Variants in SORCS1 observed in about 807,000 individuals in gnomAD.
The protein encoded by SORCS1 is sortilin related VPS10 domain containing receptor 1.
SORCS1 carries 60 observed loss-of-function variants against 146.1 expected under a neutral mutation model. The ratio of observed to expected loss-of-function variants is 0.41; its 90% CI spans 0.33 to 0.51. The LOEUF is 0.51. Among genes scored for constraint, SORCS1 ranks in the 20% least tolerant of loss-of-function variants. SORCS1 has a pLI of 0.21. For missense variants in SORCS1, 1,352 were observed against 1,487.6 expected (o/e 0.91, Z 1.50); for synonymous variants, 637 against 584.0 (o/e 1.09, Z -1.31).
At chr10:106,967,841 G>GT (rs565345288) in intron 1 of SORCS1, among the ~76,000 whole-genome samples, 180 of 151,950 alleles carry the variant, frequency 1.2e-3, no homozygotes, top group Non-Finnish European at 2.3e-3. Flanking sequence ...AGAATTCTCA[G>GT]TTTAGAGCTG....
intron 2 of SORCS1, among the ~76,000 whole-genome samples, chr10:106,922,528 G>C (rs556758432): frequency 6.6e-6 from 1 of 152,152 alleles, no homozygotes; most frequent in African/African-American, 2.4e-5. Context: ...TTTTTATTAG[G>C]CTTCTTTTAA....
intron 3 of SORCS1, among the ~76,000 whole-genome samples, chr10:106,823,781 A>C (rs1328721178): frequency 6.6e-6 from 1 of 152,204 alleles, no homozygotes; most frequent in Non-Finnish European, 1.5e-5. Context: ...AAGAGGTGGC[A>C]TTTAAGGTTC....
chr10:107,172,151 T>A, the SORCS1 span, among the ~76,000 whole-genome samples: 1 of 152,232 alleles, frequency 6.6e-6, no homozygotes, highest in East Asian at 1.9e-4. Context: ...CAAAATCTTT[T>A]TCTCCATTTC....
chr10:107,023,388 G>T (rs1410130533), intron 1 of SORCS1, among the ~76,000 whole-genome samples: 1 of 151,992 alleles, frequency 6.6e-6, no homozygotes, highest in Admixed American at 6.6e-5. Flanking sequence ...ACTTCTCTGG[G>T]GATTTTAACT....
chr10:106,850,254 A>G (rs945923427), intron 2 of SORCS1, among the ~76,000 whole-genome samples: 12 of 150,142 alleles, frequency 8.0e-5, no homozygotes, highest in African/African-American at 3.0e-4. Flanking sequence ...TGGGTGGAGG[A>G]CCCTCCGAGC....
At chr10:107,125,002 G>T (rs1172342071) in intron 1 of SORCS1, among the ~76,000 whole-genome samples, 1 of 146,084 alleles carries the variant, frequency 6.8e-6, no homozygotes, top group Non-Finnish European at 1.5e-5. Flanking sequence ...TGCCAGGCTG[G>T]AGTGCAGTGG....
chr10:106,956,661 G>C, intron 1 of SORCS1, 81 bp from the exon 2 acceptor site: 1 of 1,169,732 alleles, frequency 8.5e-7, no homozygotes, highest in East Asian at 2.4e-5. Context: ...GGAGGGCTTA[G>C]GATTCCTTTA....
chr10:106,861,523 C>G (rs540630123), intron 2 of SORCS1, among the ~76,000 whole-genome samples: 8 of 152,086 alleles, frequency 5.3e-5, no homozygotes, highest in South Asian at 2.1e-4. Context: ...AAAATGTATT[C>G]TAGAAGGACA....
At chr10:107,028,382 C>T (rs1261574798) in intron 1 of SORCS1, among the ~76,000 whole-genome samples, 1 of 152,216 alleles carries the variant, frequency 6.6e-6, no homozygotes. Context: ...ATCTGCACCA[C>T]TTCCTATTTC....
intron 2 of SORCS1, among the ~76,000 whole-genome samples, chr10:106,923,169 G>A (rs1278009789): frequency 1.3e-5 from 2 of 152,322 alleles, no homozygotes; most frequent in East Asian, 3.9e-4. Flanking sequence ...GATTACAGGC[G>A]TGAGCCACCA....
At chr10:106,602,687 C>T (rs1432929674) in intron 23 of SORCS1, among the ~76,000 whole-genome samples, 1 of 152,134 alleles carries the variant, frequency 6.6e-6, no homozygotes, top group African/African-American at 2.4e-5. Flanking sequence ...TCTCTACCTC[C>T]TCCTGACACA....
intron 1 of SORCS1, among the ~76,000 whole-genome samples, chr10:107,082,597 T>C (rs1170331768): frequency 6.6e-6 from 1 of 152,064 alleles, no homozygotes; most frequent in Non-Finnish European, 1.5e-5. Flanking sequence ...CCTGCCTCAC[T>C]CAGCCTCCAA....
intron 13 of SORCS1, among the ~76,000 whole-genome samples, chr10:106,676,484 A>G (rs1401687658): frequency 2.6e-5 from 4 of 152,228 alleles, no homozygotes; most frequent in African/African-American, 4.8e-5. Flanking sequence ...CAAGAAGTCA[A>G]GCTATTCAGA....
Position 106,933,645 on chromosome 10 carries a change from CA to C in SORCS1, c.626+22867del, listed in dbSNP as rs1953534882. On this transcript the variant is annotated intron_variant, in intron 2 of 25. Coordinates refer to ENST00000263054, the MANE Select transcript of SORCS1 (RefSeq NM_052918.5). ...GACAGTTGTATCCAGGATGCCCCCC[CA>C]CCCCCAGCTATGGCAGAGGAAAGCA... 1.3e-5 allele frequency among the ~76,000 whole-genome samples: 2 copies of C among 152,048 alleles called. 1 individual carries two copies. The highest frequency in any genetic ancestry group is 2.9e-5 in the Non-Finnish European group (2 of 68,002).
At chr10:106,833,939 G>T (rs1469209737) in intron 2 of SORCS1, among the ~76,000 whole-genome samples, 1 of 152,080 alleles carries the variant, frequency 6.6e-6, no homozygotes, top group Non-Finnish European at 1.5e-5. Context: ...GACTACAGGC[G>T]CCCGCCACCA....
intron 1 of SORCS1, among the ~76,000 whole-genome samples, 190 bp downstream of exon 1, chr10:107,163,779 G>A (rs1489713830): frequency 2.6e-5 from 4 of 152,170 alleles, no homozygotes; most frequent in African/African-American, 7.2e-5. Flanking sequence ...TGATGGTGTT[G>A]GTGGGAGAGA....
chr10:106,802,217 G>A (rs1296294503), intron 3 of SORCS1, among the ~76,000 whole-genome samples: 1 of 152,212 alleles, frequency 6.6e-6, no homozygotes, highest in Non-Finnish European at 1.5e-5. Flanking sequence ...TTTAAGGATG[G>A]TGTAGTCAAA....
At chr10:106,776,203 G>C (rs181852219) in intron 4 of SORCS1, among the ~76,000 whole-genome samples, 1 of 152,300 alleles carries the variant, frequency 6.6e-6, no homozygotes, top group Admixed American at 6.5e-5. Flanking sequence ...CAAGAGAAAT[G>C]ATCACCAATC....
chr10:106,944,790 A>C (rs1355015973), intron 2 of SORCS1, among the ~76,000 whole-genome samples: 1 of 151,130 alleles, frequency 6.6e-6, no homozygotes, highest in Non-Finnish European at 1.5e-5. Flanking sequence ...AGAAGTAATG[A>C]ATAAAATCAT....
Sources: allele counts gnomAD v4.1 joint callset (sites outside exome capture counted in the v4.1 genomes callset), GRCh38; gene constraint gnomAD v4.1.1; transcripts MANE v1.5; gene names NCBI Gene and HGNC (gene_info 2026-07-23, HGNC 2026-07-21).